HEATR5B: variants seen among roughly 807,000 people sequenced by gnomAD.
The protein encoded by HEATR5B is HEAT repeat-containing protein 5B.
HEATR5B carries 156 observed loss-of-function variants against 224.1 expected under a neutral mutation model. That is an observed-to-expected ratio of 0.70 (90% CI 0.61 to 0.80). The LOEUF is 0.80. Among genes scored for constraint, HEATR5B ranks in the 30% least tolerant of loss-of-function variants. The pLI, the probability that HEATR5B is intolerant of heterozygous loss-of-function variation, is 0.00. For missense variants in HEATR5B, 2,323 were observed against 2,535.5 expected (o/e 0.92, Z 1.80); for synonymous variants, 1,027 against 893.0 (o/e 1.15, Z -2.68).
rs1272489374 is a variant in HEATR5B at position 37,083,582 on chromosome 2, T to C, written c.-22-146A>G. The C allele has an allele frequency of 1.1e-4, 67 of 609,864 alleles. 1 individual carries two copies. The Middle Eastern group carries it at 1.7e-3, about 16-fold the overall frequency. The allele number at this position is 609,864 out of a possible 1,614,324, so 37.8% of individuals were successfully genotyped here. On this transcript the variant is annotated intron_variant, in intron 1 of 35. Coordinates refer to ENST00000233099, the MANE Select transcript of HEATR5B (RefSeq NM_019024.3). ...TTCTTTGAGGCAAAACCTGAGAACA[T>C]ACTTTTAAATGACAAAAATACAAAC...
rs753653344 is a variant in HEATR5B at position 37,068,793 on chromosome 2, T to C, written c.1065A>G (p.Arg355=). The change falls in exon 8 of 36, where the codon CGA becomes CGG. Residue 355 remains arginine (R), a synonymous_variant. Coordinates refer to ENST00000233099, the MANE Select transcript of HEATR5B (RefSeq NM_019024.3). The part of the protein sequence containing the change: ...QTHVEAVYSR[R]CVSFILRATV... The stretch of plus-strand genomic sequence containing the variant: ...TAGCTCTTAGGATAAAGGAAACACA[T>C]CGTCTGGAGTACACAGCCTCCACAT... 1 of 1,614,120 alleles carries C rather than the reference T, an allele frequency of 6.2e-7. No individual in the cohort carries two copies. The highest frequency in any genetic ancestry group is 2.2e-5 in the East Asian group (1 of 44,864).
In HEATR5B at chr2:37,002,289, A is replaced by C. The variant is rs753510202; in HGVS notation, c.5317+17T>G. ...ACTGTAATATAATGCATTTCCAAAT[A>C]CTGATCAATACCGTACCAGCGGGTG... On this transcript the variant is annotated intron_variant, in intron 32 of 35. Transcript: ENST00000233099. The C allele has an allele frequency of 2.5e-6, 4 of 1,613,858 alleles. No homozygotes were observed. In the Admixed American group the frequency reaches 5.0e-5, roughly 20 times the overall value.
rs765554200 is a variant in HEATR5B, at chr2:36,981,544, T to G, written c.6162A>C (p.Pro2054=). ...TTGGTGCAGAATGTATGGCGGGGGC[T>G]GGTTGTCTGGCAGCCGCTTTAGCTT... is the stretch of plus-strand genomic sequence containing the variant. ...ASKAKAAARQ[P]APAIHSAPTI... The change falls in exon 36 of 36, where the codon CCA becomes CCC. Residue 2054 remains proline (P), a synonymous_variant. Transcript: ENST00000233099. The G allele has an allele frequency of 6.2e-7, 1 of 1,614,046 alleles. No homozygotes were observed. Among genetic ancestry groups the G allele is most frequent in the South Asian group, 1.1e-5 (1 of 91,074 alleles).
chr2:37,033,158 C>T (rs1453941179), intron 21 of HEATR5B, among the ~76,000 whole-genome samples: 1 of 152,130 alleles, frequency 6.6e-6, no homozygotes, highest in Non-Finnish European at 1.5e-5. Context: ...GGATTACAGG[C>T]ATGAGCCACC....
chr2:37,008,904 AT>A, intron 27 of HEATR5B, 56 bp from the exon 28 acceptor site: 1 of 1,027,462 alleles, frequency 9.7e-7, no homozygotes, highest in Non-Finnish European at 1.5e-6. Context: ...AAAATAAGAT[AT>A]TTTACGTTAT....
chr2:37,037,889 T>C lies in HEATR5B; in HGVS notation c.3182A>G (p.His1061Arg), dbSNP rs374375069. Residue 1061 changes from histidine (H) to arginine (R), a missense_variant, in exon 21 of 36, where the codon CAT becomes CGT. His to Arg is a conservative substitution (Grantham distance 29, BLOSUM62 0). This residue lies in a region of HEATR5B where 88 missense variants were observed against 86.8 expected (regional missense o/e 1.01). Coordinates refer to ENST00000233099, the MANE Select transcript of HEATR5B (RefSeq NM_019024.3). ...LQQLHMFAPRHVNLSSLVPSL... is the reference protein window; with the variant it reads ...LQQLHMFAPRRVNLSSLVPSL... Reference sequence around the variant, plus strand: ...AGGAACAAGGCTAGATAGATTGACATGTCGTGGTGCAAACATGTGAAGCTG... The same window carrying C: ...AGGAACAAGGCTAGATAGATTGACACGTCGTGGTGCAAACATGTGAAGCTG... 6 of 1,594,432 alleles carry C rather than the reference T, an allele frequency of 3.8e-6. No homozygotes were observed. Among genetic ancestry groups the C allele is most frequent in the South Asian group, 1.1e-5 (1 of 87,692 alleles).
chr2:37,002,202 A>C, intron 32 of HEATR5B, 104 bp downstream of exon 32: 1 of 1,250,256 alleles, frequency 8.0e-7, no homozygotes, highest in East Asian at 2.4e-5. Flanking sequence ...TTTTCACTTG[A>C]GATTTAAGAG....
chr2:37,018,369 T>C (rs1668255985), intron 26 of HEATR5B, among the ~76,000 whole-genome samples: 1 of 152,198 alleles, frequency 6.6e-6, no homozygotes, highest in Admixed American at 6.5e-5. Context: ...CTTATTTACA[T>C]ATGGACAGTA....
intron 33 of HEATR5B, 71 bp from the exon 34 acceptor site, chr2:36,990,870 G>C (rs1199341103): frequency 1.5e-6 from 2 of 1,306,942 alleles, no homozygotes; most frequent in Non-Finnish European, 2.1e-6. Flanking sequence ...TATTTTTGTA[G>C]AGAGAGACGT....
chr2:37,034,561 C>T lies in HEATR5B; in HGVS notation c.3217-1788G>A, dbSNP rs1242362641. On this transcript the variant is annotated intron_variant, in intron 21 of 35. Coordinates refer to ENST00000233099, the MANE Select transcript of HEATR5B (RefSeq NM_019024.3). ...CCGGGAGGCGGAGCTTGCAGTGAGC[C>T]GAGATCCCGCCACTGCACTCCAGCC... Among the ~76,000 whole-genome samples the T allele has an allele frequency of 1.2e-4, 16 of 134,474 alleles. No homozygotes were observed. The South Asian group carries it at 2.0e-3, about 17-fold the overall frequency. 88.2% of individuals were successfully genotyped at this position (134,474 alleles called of 152,430 possible).
chr2:37,061,064 T>A (rs1249670180), intron 11 of HEATR5B, among the ~76,000 whole-genome samples: 3 of 152,150 alleles, frequency 2.0e-5, no homozygotes, highest in African/African-American at 7.2e-5. Context: ...TTGCATATTA[T>A]CAATAAAATA....
intron 16 of HEATR5B, among the ~76,000 whole-genome samples, chr2:37,054,040 C>G (rs1038703030): frequency 6.6e-6 from 1 of 151,450 alleles, no homozygotes; most frequent in Non-Finnish European, 1.5e-5. Flanking sequence ...CATGTCCTAG[C>G]CTCAGAAGCT....
intron 5 of HEATR5B, among the ~76,000 whole-genome samples, chr2:37,075,150 T>G (rs534777004): frequency 1.3e-5 from 2 of 152,316 alleles, no homozygotes; most frequent in South Asian, 4.1e-4. Flanking sequence ...TAATCAAAAC[T>G]AGAAGCAACT....
Position 36,981,431 on chromosome 2 carries a change from T to A in HEATR5B, c.*59A>T. 1 of 1,282,224 alleles carries A rather than the reference T, an allele frequency of 7.8e-7. No homozygotes were observed. Among genetic ancestry groups the A allele is most frequent in the Non-Finnish European group, 1.1e-6 (1 of 919,270 alleles). 79.4% of individuals were successfully genotyped at this position (1,282,224 alleles called of 1,614,324 possible). On this transcript the variant is annotated 3_prime_UTR_variant, in exon 36 of 36. Transcript: ENST00000233099. ...CCATAGGTAGCCTGGAATGATACAG[T>A]GGCCATCACTAATTAGGGGCTAGTT...
At chr2:37,026,070 G>A (rs536809505) in intron 24 of HEATR5B, among the ~76,000 whole-genome samples, 1 of 152,284 alleles carries the variant, frequency 6.6e-6, no homozygotes, top group Admixed American at 6.5e-5. Flanking sequence ...AATTATCAAG[G>A]CAGACCCAGT....
At chr2:36,993,922 G>T (rs1666510727) in intron 33 of HEATR5B, among the ~76,000 whole-genome samples, 1 of 152,028 alleles carries the variant, frequency 6.6e-6, no homozygotes, top group South Asian at 2.1e-4. Flanking sequence ...AAAGACAAAG[G>T]CTGAGGAACT....
intron 35 of HEATR5B, among the ~76,000 whole-genome samples, chr2:36,988,055 G>A (rs1367052736): frequency 6.6e-6 from 1 of 151,104 alleles, no homozygotes; most frequent in South Asian, 2.1e-4. Flanking sequence ...CTGGGTGACA[G>A]AGCGAGACTG....
chr2:37,079,575 C>T (rs1672429890), intron 2 of HEATR5B, among the ~76,000 whole-genome samples: 1 of 152,148 alleles, frequency 6.6e-6, no homozygotes, highest in Non-Finnish European at 1.5e-5. Flanking sequence ...AATAAAGTGA[C>T]TCTGATTCAA....
In HEATR5B at chr2:37,027,982, G is replaced by A; in HGVS notation, c.3794C>T (p.Ala1265Val). 1.2e-6 allele frequency: 2 copies of A among 1,614,100 alleles called. No homozygotes were observed. The highest frequency in any genetic ancestry group is 1.7e-5 in the Admixed American group (1 of 60,032). ...GGCAAGATCAAAGTGAGCCTGGTCT[G>A]CATTCTCACACAAATTGATGATTCG... ...LCRIINLCENADQAHFDLALA... is the reference protein window; with the variant it reads ...LCRIINLCENVDQAHFDLALA... The change falls in exon 24 of 36, where the codon GCA (alanine) becomes GTA (valine). Residue 1265 changes from alanine (A) to valine (V), a missense_variant. Ala to Val is a moderately conservative substitution (Grantham distance 64). This residue lies in a region of HEATR5B where 339 missense variants were observed against 378.4 expected (regional missense o/e 0.90). Transcript: ENST00000233099.
Sources: allele counts gnomAD v4.1 joint callset (sites outside exome capture counted in the v4.1 genomes callset), GRCh38; gene constraint gnomAD v4.1.1; regional missense constraint gnomAD v4.1.1; transcripts MANE v1.5; gene names NCBI Gene and HGNC (gene_info 2026-07-23, HGNC 2026-07-21).